Variants in SND1 observed in about 807,000 individuals in gnomAD.
The protein encoded by SND1 is staphylococcal nuclease and tudor domain containing 1, also known as staphylococcal nuclease domain-containing protein 1.
In SND1, 38 loss-of-function variants were observed where a neutral mutation model predicts 121.7. The ratio of observed to expected loss-of-function variants is 0.31; its 90% CI spans 0.24 to 0.41. The LOEUF is 0.41. Ranked by LOEUF, SND1 falls within the 10% of genes least tolerant of loss-of-function variation. The pLI, the probability that SND1 is intolerant of heterozygous loss-of-function variation, is 1.00. For synonymous variants in SND1, 401 were observed against 447.4 expected, an observed-to-expected ratio of 0.90 and a Z score of 1.31; for missense variants, 868 against 1,184.6, an observed-to-expected ratio of 0.73 and a Z score of 3.92.
intron 1 of SND1, among the ~76,000 whole-genome samples, chr7:127,670,776 T>G (rs1375862845): frequency 6.6e-6 from 1 of 151,668 alleles, no homozygotes; most frequent in African/African-American, 2.4e-5. Flanking sequence ...CCTCCCAAAG[T>G]GCTGGGATTA....
At chr7:127,915,337 G>C (rs1800551331) in intron 14 of SND1, among the ~76,000 whole-genome samples, 1 of 152,134 alleles carries the variant, frequency 6.6e-6, no homozygotes. Context: ...CTGTAAATGA[G>C]AGCTGTCATT....
intron 1 of SND1, among the ~76,000 whole-genome samples, chr7:127,664,078 TGCAGTGGTGCGACCACA>T (rs1795367427): frequency 1.3e-5 from 2 of 152,118 alleles, no homozygotes; most frequent in Non-Finnish European, 2.9e-5. Flanking sequence ...CAGGCTGGAG[TGCAGTGGTGCGACCACA>T]ACTCGCTGCA....
chr7:127,727,050 C>T (rs1011308927), intron 10 of SND1, among the ~76,000 whole-genome samples: 43 of 152,320 alleles, frequency 2.8e-4, no homozygotes, highest in African/African-American at 1.0e-3. Flanking sequence ...TATTCATTTC[C>T]ATCACCCTGT....
intron 10 of SND1, among the ~76,000 whole-genome samples, chr7:127,742,687 T>C (rs1006774781): frequency 3.3e-5 from 5 of 152,190 alleles, no homozygotes; most frequent in Admixed American, 6.5e-5. Context: ...AGTCATTTTC[T>C]AAAAGTTTAG....
At chr7:127,740,329 G>A (rs922161943) in intron 10 of SND1, among the ~76,000 whole-genome samples, 16 of 152,112 alleles carry the variant, frequency 1.1e-4, no homozygotes, top group African/African-American at 3.6e-4. Context: ...TTTTTTAAGC[G>A]TTTATTTTTC....
chr7:128,029,345 G>A lies in SND1; in HGVS notation c.1779+38289G>A, dbSNP rs1309192226. On this transcript the variant is annotated intron_variant, in intron 16 of 23. Coordinates refer to ENST00000354725, the MANE Select transcript of SND1 (RefSeq NM_014390.4). The surrounding 1 kb of genome is among the most constrained non-coding windows in gnomAD (Gnocchi z 4.2). ...CATTGAGGTAGGCCGAGGCGTTGGA[G>A]TTGCCTGCAACATTGGTCACCATGC... is the stretch of plus-strand genomic sequence containing the variant. 1 of 1,614,084 alleles carries A rather than the reference G, an allele frequency of 6.2e-7. No homozygotes were observed. Among genetic ancestry groups the A allele is most frequent in the Non-Finnish European group, 8.5e-7 (1 of 1,180,048 alleles).
intron 1 of SND1, among the ~76,000 whole-genome samples, chr7:127,660,674 T>C (rs913641097): frequency 1.3e-5 from 2 of 152,214 alleles, no homozygotes; most frequent in African/African-American, 4.8e-5. Flanking sequence ...TCAAAACATT[T>C]CAGATTTTGG....
chr7:127,723,247 G>A (rs1587620890), intron 10 of SND1, among the ~76,000 whole-genome samples: 1 of 152,182 alleles, frequency 6.6e-6, no homozygotes, highest in East Asian at 1.9e-4. Context: ...ACTCATCAGT[G>A]GGTAAACGAT....
intron 14 of SND1, among the ~76,000 whole-genome samples, chr7:127,921,949 T>A (rs909294116): frequency 6.6e-6 from 1 of 152,188 alleles, no homozygotes; most frequent in African/African-American, 2.4e-5. Context: ...TTAGTGATTA[T>A]GAATAACGTC....
chr7:127,875,247 C>T (rs1340272773), intron 12 of SND1, among the ~76,000 whole-genome samples: 1 of 152,070 alleles, frequency 6.6e-6, no homozygotes, highest in Non-Finnish European at 1.5e-5. Flanking sequence ...ATCAGCTAGC[C>T]AATAAATATT....
intron 14 of SND1, among the ~76,000 whole-genome samples, chr7:127,905,623 A>C (rs1025977283): frequency 1.3e-5 from 2 of 152,146 alleles, no homozygotes; most frequent in Non-Finnish European, 2.9e-5. Context: ...AAGAGAAGTA[A>C]AACTGGCCGA....
At chr7:127,854,351 A>G (rs1799228100) in intron 12 of SND1, among the ~76,000 whole-genome samples, 1 of 151,640 alleles carries the variant, frequency 6.6e-6, no homozygotes, top group South Asian at 2.1e-4. Flanking sequence ...CTGGTCTTGA[A>G]CTCCTGACCT....
intron 15 of SND1, among the ~76,000 whole-genome samples, chr7:127,948,123 T>C (rs1801373206): frequency 6.6e-6 from 1 of 152,210 alleles, no homozygotes; most frequent in Non-Finnish European, 1.5e-5. Context: ...ATGGAAAGTT[T>C]AGTGAATAAG....
chr7:128,044,149 T>C (rs1165164330), intron 16 of SND1, among the ~76,000 whole-genome samples: 1 of 152,196 alleles, frequency 6.6e-6, no homozygotes, highest in East Asian at 1.9e-4. Context: ...ACAAAATGTT[T>C]CCATTTGGCT....
intron 16 of SND1, among the ~76,000 whole-genome samples, chr7:128,065,176 G>A (rs974218565): frequency 8.5e-5 from 13 of 152,232 alleles, no homozygotes; most frequent in Non-Finnish European, 1.8e-4. Context: ...TGATGGAAAT[G>A]GGTACCTGAG....
chr7:127,701,796 C>T (rs1056579631), intron 5 of SND1, among the ~76,000 whole-genome samples: 8 of 152,202 alleles, frequency 5.3e-5, no homozygotes, highest in African/African-American at 1.9e-4. Flanking sequence ...CTATAACCCA[C>T]TCACATCCTC....
chr7:127,722,920 A>C (rs1796521257), intron 10 of SND1, among the ~76,000 whole-genome samples: 1 of 152,186 alleles, frequency 6.6e-6, no homozygotes, highest in Non-Finnish European at 1.5e-5. Context: ...TCTCTCAGTA[A>C]CTGTAGCTCT....
intron 10 of SND1, among the ~76,000 whole-genome samples, chr7:127,732,069 C>T (rs1476021900): frequency 6.6e-6 from 1 of 152,186 alleles, no homozygotes; most frequent in Admixed American, 6.5e-5. Context: ...TTGTGCCCAC[C>T]CCAGAGATGG....
intron 12 of SND1, among the ~76,000 whole-genome samples, chr7:127,867,607 T>C (rs1212722536): frequency 1.3e-5 from 2 of 152,322 alleles, no homozygotes; most frequent in East Asian, 1.9e-4. Context: ...TCCCAGTATG[T>C]AATTACCTAC....
Sources: gnomAD v4.1 joint callset for allele counts (sites outside exome capture counted in the v4.1 genomes callset) on GRCh38, gnomAD v4.1.1 for gene constraint, Gnocchi (gnomAD v3.1) non-coding constraint, MANE v1.5 for transcripts, NCBI Gene and HGNC (gene_info 2026-07-23, HGNC 2026-07-21) for gene names.